The following C12orf42 variants were observed in gnomAD, a reference collection of about 807,000 sequenced individuals.
C12orf42 encodes uncharacterized protein C12orf42.
C12orf42 carries 25 observed loss-of-function variants against 21.6 expected under a neutral mutation model. The ratio of observed to expected loss-of-function variants is 1.16; its 90% CI spans 0.84 to 1.62. C12orf42 has a LOEUF of 1.62. C12orf42 is among the 40% of genes most tolerant of loss of function. The pLI is 0.00. For missense variants in C12orf42, 483 were observed against 459.3 expected (o/e 1.05, Z -0.47); for synonymous variants, 174 against 175.0 (o/e 0.99, Z 0.05).
chr12:103,051,519 C>T, the C12orf42 span, among the ~76,000 whole-genome samples: 1 of 152,148 alleles, frequency 6.6e-6, no homozygotes, highest in African/African-American at 2.4e-5. Context: ...CTCCCTAGGG[C>T]CTAACTATTG....
the C12orf42 span, among the ~76,000 whole-genome samples, chr12:103,201,518 T>C: frequency 6.6e-6 from 1 of 152,086 alleles, no homozygotes; most frequent in Non-Finnish European, 1.5e-5. Context: ...AAAAAAAAGT[T>C]TTGCTCAGCT....
At chr12:103,457,343 T>C (rs1199986409) in intron 2 of C12orf42, among the ~76,000 whole-genome samples, 1 of 152,216 alleles carries the variant, frequency 6.6e-6, no homozygotes, top group Non-Finnish European at 1.5e-5. Flanking sequence ...TGGCAGGGTA[T>C]ACACTGTGTT....
At chr12:103,058,017 A>G in the C12orf42 span, among the ~76,000 whole-genome samples, 1 of 149,442 alleles carries the variant, frequency 6.7e-6, no homozygotes, top group African/African-American at 2.5e-5. Flanking sequence ...GTGCAGTGGC[A>G]TGATCTCACC....
At chr12:103,438,830 AC>A (rs1302481334) in intron 2 of C12orf42, among the ~76,000 whole-genome samples, 3 of 149,774 alleles carry the variant, frequency 2.0e-5, no homozygotes, top group Non-Finnish European at 4.5e-5. Context: ...TGGCCATACC[AC>A]CCAAGGTAAT....
the C12orf42 span, among the ~76,000 whole-genome samples, chr12:103,228,742 A>G: frequency 6.6e-6 from 1 of 151,950 alleles, no homozygotes; most frequent in African/African-American, 2.4e-5. Context: ...TTTTTCTATA[A>G]GAGCAATTTC....
At chr12:103,325,984 T>C (rs78994957) in intron 4 of C12orf42, among the ~76,000 whole-genome samples, 2,583 of 152,280 alleles carry the variant, frequency 0.017, 96 homozygotes, top group African/African-American at 0.059. Context: ...AAAGAGTACA[T>C]TGTGCTCAAT....
At chr12:103,433,208 A>G (rs1408134249) in intron 2 of C12orf42, among the ~76,000 whole-genome samples, 4 of 152,220 alleles carry the variant, frequency 2.6e-5, no homozygotes, top group Non-Finnish European at 5.9e-5. Context: ...ACCACAAGAA[A>G]TTCTTTCTCC....
At chr12:103,192,776 G>A in the C12orf42 span, among the ~76,000 whole-genome samples, 3 of 152,118 alleles carry the variant, frequency 2.0e-5, no homozygotes, top group African/African-American at 7.2e-5. Context: ...GGGAGAAATA[G>A]ACAGCAATAC....
At chr12:103,197,936 G>A in the C12orf42 span, among the ~76,000 whole-genome samples, 1 of 152,188 alleles carries the variant, frequency 6.6e-6, no homozygotes, top group Non-Finnish European at 1.5e-5. Context: ...CTGCTGTACT[G>A]AAGAGACCCA....
chr12:103,540,531 G>A, the C12orf42 span, among the ~76,000 whole-genome samples: 6 of 152,218 alleles, frequency 3.9e-5, no homozygotes, highest in Admixed American at 2.6e-4. Context: ...ACATTGAGCC[G>A]TTTCTTGTTA....
At chr12:103,410,949 T>C (rs771346159) in intron 2 of C12orf42, among the ~76,000 whole-genome samples, 1 of 152,202 alleles carries the variant, frequency 6.6e-6, no homozygotes, top group Non-Finnish European at 1.5e-5. Context: ...ACTGAAAGAT[T>C]AGATGATAGG....
At chr12:103,048,016 A>G in the C12orf42 span, among the ~76,000 whole-genome samples, 1 of 146,216 alleles carries the variant, frequency 6.8e-6, no homozygotes. Context: ...ATAAAGTCAC[A>G]TTACAAAGGA....
At chr12:103,097,419 T>C in the C12orf42 span, among the ~76,000 whole-genome samples, 2 of 152,242 alleles carry the variant, frequency 1.3e-5, no homozygotes, top group African/African-American at 2.4e-5. Context: ...AAGAATATTT[T>C]GAATTTCATC....
the C12orf42 span, among the ~76,000 whole-genome samples, chr12:103,199,770 C>T: frequency 1.6e-3 from 237 of 152,186 alleles, no homozygotes; most frequent in Middle Eastern, 0.027. Flanking sequence ...CAATGAGGTA[C>T]CAACTCACAC....
chr12:103,333,341 G>C (rs2041410817), intron 4 of C12orf42, among the ~76,000 whole-genome samples: 1 of 152,100 alleles, frequency 6.6e-6, no homozygotes, highest in Admixed American at 6.5e-5. Context: ...TATGTATAAA[G>C]TTTTTATAGA....
At chr12:103,388,894 G>A (rs1403511511) in intron 3 of C12orf42, among the ~76,000 whole-genome samples, 1 of 152,238 alleles carries the variant, frequency 6.6e-6, no homozygotes, top group Non-Finnish European at 1.5e-5. Flanking sequence ...GCAGCCAGGG[G>A]TAGCCTTGGT....
chr12:103,100,347 G>A, the C12orf42 span, among the ~76,000 whole-genome samples: 1 of 152,206 alleles, frequency 6.6e-6, no homozygotes, highest in African/African-American at 2.4e-5. Flanking sequence ...GAGAGCAACG[G>A]ATAAAACTGC....
intron 2 of C12orf42, among the ~76,000 whole-genome samples, chr12:103,459,920 T>C (rs1431661464): frequency 6.6e-6 from 1 of 152,112 alleles, no homozygotes; most frequent in Non-Finnish European, 1.5e-5. Flanking sequence ...TCATTCTCCA[T>C]ACCTCTACTG....
At chr12:103,434,172 A>G (rs1950479629) in intron 2 of C12orf42, among the ~76,000 whole-genome samples, 2 of 152,204 alleles carry the variant, frequency 1.3e-5, no homozygotes, top group Non-Finnish European at 2.9e-5. Context: ...CAAGATGGCT[A>G]CACCAGCTAC....
Sources: gnomAD v4.1 joint callset for allele counts (sites outside exome capture counted in the v4.1 genomes callset) on GRCh38, gnomAD v4.1.1 for gene constraint, MANE v1.5 for transcripts, NCBI Gene and HGNC (gene_info 2026-07-23, HGNC 2026-07-21) for gene names.